The following FTCDNL1 variants were observed in gnomAD, a reference collection of about 807,000 sequenced individuals.
FTCDNL1 encodes the protein formiminotransferase N-terminal subdomain-containing protein.
A neutral mutation model predicts 5.9 loss-of-function variants in FTCDNL1; 11 were observed. The observed-to-expected ratio is 1.87, with a 90% CI of 1.18 to 3.10. FTCDNL1 has a LOEUF of 3.10. FTCDNL1 is among the 30% of genes most tolerant of loss of function. The probability of loss-of-function intolerance (pLI) is 0.00; values close to 1 mark genes in which losing one functional copy is unlikely to be tolerated. For synonymous variants in FTCDNL1, 58 were observed against 24.8 expected (o/e 2.34, Z -3.99); for missense variants, 115 against 65.5 (o/e 1.76, Z -2.61).
intron 1 of FTCDNL1, 68 bp downstream of exon 1, chr2:199,850,672 T>TCCCCCG (rs1473057341): frequency 6.6e-6 from 1 of 152,040 alleles, no homozygotes; most frequent in East Asian, 1.9e-4. Flanking sequence ...CACTCGGCCG[T>TCCCCCG]CCCCCGCCCC....
At chr2:199,679,065 TCTTACCGG>T in the FTCDNL1 span, among the ~76,000 whole-genome samples, 1 of 152,104 alleles carries the variant, frequency 6.6e-6, no homozygotes, top group African/African-American at 2.4e-5. Flanking sequence ...TGAGGACCCA[TCTTACCGG>T]CATTCAAAAT....
At chr2:199,760,206 TA>T (rs201486197), downstream of FTCDNL1, among the ~76,000 whole-genome samples, 536 of 131,092 alleles carry the variant, frequency 4.1e-3, 4 homozygotes, top group African/African-American at 0.012. Context: ...AAATCAGAAC[TA>T]AAAAAAAAAA....
At chr2:199,781,846 C>T (rs1270971205) in intron 3 of FTCDNL1, among the ~76,000 whole-genome samples, 1 of 152,126 alleles carries the variant, frequency 6.6e-6, no homozygotes, top group African/African-American at 2.4e-5. Context: ...GTGGCGCCAT[C>T]TCGGCTCACT....
the FTCDNL1 span, among the ~76,000 whole-genome samples, chr2:199,722,112 C>A: frequency 5.9e-5 from 9 of 152,300 alleles, no homozygotes; most frequent in African/African-American, 9.6e-5. Flanking sequence ...TTTTGCTGTG[C>A]AGAAGCTCTT....
At chr2:199,777,136 T>A (rs75039367) in intron 3 of FTCDNL1, among the ~76,000 whole-genome samples, 10,910 of 151,654 alleles carry the variant, frequency 0.072, 890 homozygotes, top group African/African-American at 0.18. Context: ...CCACTAAAAA[T>A]ACAAAAATTA....
the FTCDNL1 span, among the ~76,000 whole-genome samples, chr2:199,670,712 A>G: frequency 3.3e-5 from 5 of 152,144 alleles, no homozygotes; most frequent in African/African-American, 1.2e-4. Context: ...TTTATCTCCA[A>G]GCAGTGGCCT....
At chr2:199,787,714 T>C (rs1699730623) in intron 3 of FTCDNL1, among the ~76,000 whole-genome samples, 1 of 152,110 alleles carries the variant, frequency 6.6e-6, no homozygotes. Context: ...ACGATGACAT[T>C]ATATGGGGGA....
the FTCDNL1 span, among the ~76,000 whole-genome samples, chr2:199,685,481 GT>G: frequency 6.6e-6 from 1 of 151,654 alleles, no homozygotes. Flanking sequence ...TTTTGTTTTT[GT>G]TTTTTTTCTA....
chr2:199,825,667 C>G (rs1701985951), intron 3 of FTCDNL1, among the ~76,000 whole-genome samples: 2 of 152,194 alleles, frequency 1.3e-5, no homozygotes, highest in Non-Finnish European at 2.9e-5. Context: ...CACCATGCGA[C>G]ACACCTGTTC....
At chr2:199,799,505 C>T (rs1700337378) in intron 3 of FTCDNL1, among the ~76,000 whole-genome samples, 1 of 152,150 alleles carries the variant, frequency 6.6e-6, no homozygotes, top group Non-Finnish European at 1.5e-5. Flanking sequence ...TTACTTTAAT[C>T]AAAGTGACAT....
At chr2:199,712,966 A>G in the FTCDNL1 span, among the ~76,000 whole-genome samples, 1 of 152,198 alleles carries the variant, frequency 6.6e-6, no homozygotes, top group African/African-American at 2.4e-5. Flanking sequence ...AGGACTTCAA[A>G]GTATCTTTTT....
the FTCDNL1 span, among the ~76,000 whole-genome samples, chr2:199,689,311 G>T: frequency 6.6e-6 from 1 of 152,158 alleles, no homozygotes; most frequent in Non-Finnish European, 1.5e-5. Flanking sequence ...AAGTTAAAAA[G>T]TTGTTGATAT....
intron 3 of FTCDNL1, among the ~76,000 whole-genome samples, chr2:199,774,285 T>C (rs1294236225): frequency 2.0e-5 from 3 of 152,208 alleles, no homozygotes; most frequent in Non-Finnish European, 4.4e-5. Context: ...ATGCTCTCCC[T>C]TACCCAACCT....
At chr2:199,711,168 T>G in the FTCDNL1 span, among the ~76,000 whole-genome samples, 12 of 152,140 alleles carry the variant, frequency 7.9e-5, no homozygotes, top group Admixed American at 7.9e-4. Context: ...GCAGCCAGAC[T>G]GAGCGAGGTA....
chr2:199,757,682 G>A (rs1241568049), downstream of FTCDNL1, among the ~76,000 whole-genome samples: 1 of 152,186 alleles, frequency 6.6e-6, no homozygotes, highest in Non-Finnish European at 1.5e-5. Flanking sequence ...AGCAGTGTTG[G>A]CAGCTTGCTC....
chr2:199,819,318 C>G (rs552943564), intron 4 of FTCDNL1: 6 of 459,230 alleles, frequency 1.3e-5, no homozygotes, highest in African/African-American at 1.2e-4. Context: ...TCAGTGATCA[C>G]GTTGCAGGGC....
chr2:199,700,232 C>T, the FTCDNL1 span, among the ~76,000 whole-genome samples: 1 of 152,140 alleles, frequency 6.6e-6, no homozygotes, highest in Admixed American at 6.5e-5. Context: ...GTACTAAAAT[C>T]AGTAGCATCG....
At chr2:199,687,711 A>G in the FTCDNL1 span, among the ~76,000 whole-genome samples, 3 of 152,216 alleles carry the variant, frequency 2.0e-5, no homozygotes, top group Non-Finnish European at 4.4e-5. Context: ...AATGGGACTG[A>G]CCATGGGAAA....
At chr2:199,720,051 A>C in the FTCDNL1 span, among the ~76,000 whole-genome samples, 3 of 152,000 alleles carry the variant, frequency 2.0e-5, 1 homozygote, top group South Asian at 6.2e-4. Context: ...TCTTGATTTG[A>C]TCCTCAGCTA....
Sources: allele counts gnomAD v4.1 joint callset (sites outside exome capture counted in the v4.1 genomes callset), GRCh38; gene constraint gnomAD v4.1.1; transcripts MANE v1.5; gene names NCBI Gene and HGNC (gene_info 2026-07-23, HGNC 2026-07-21).